Variants in RTN1 observed in about 807,000 individuals in gnomAD.
The protein encoded by RTN1 is reticulon 1.
A neutral mutation model predicts 65.5 loss-of-function variants in RTN1; 25 were observed. The ratio of observed to expected loss-of-function variants is 0.38; its 90% CI spans 0.28 to 0.53. The LOEUF is 0.53. Among genes scored for constraint, RTN1 ranks in the 20% least tolerant of loss-of-function variants. The pLI is 0.79. For synonymous variants in RTN1, 471 were observed against 447.6 expected (o/e 1.05, Z -0.66); for missense variants, 983 against 1,025.4 (o/e 0.96, Z 0.57).
At chr14:59,648,173 C>T (rs1882942053) in intron 3 of RTN1, among the ~76,000 whole-genome samples, 1 of 152,016 alleles carries the variant, frequency 6.6e-6, no homozygotes, top group Non-Finnish European at 1.5e-5. Flanking sequence ...CACACATGCA[C>T]ACAAATTAGA....
chr14:59,861,287 T>A (rs1020535762), intron 1 of RTN1, among the ~76,000 whole-genome samples: 19 of 152,188 alleles, frequency 1.2e-4, no homozygotes, highest in African/African-American at 4.6e-4. Context: ...TAAGGGGGAT[T>A]TTCCCTGCCC....
intron 3 of RTN1, among the ~76,000 whole-genome samples, chr14:59,644,836 TTCCATGGG>T (rs1882856135): frequency 6.6e-6 from 1 of 152,110 alleles, no homozygotes; most frequent in Admixed American, 6.5e-5. Flanking sequence ...CTGCTTCTCT[TTCCATGGG>T]TCCCTGGCCT....
intron 2 of RTN1, among the ~76,000 whole-genome samples, chr14:59,732,446 C>T (rs941862817): frequency 6.6e-6 from 1 of 152,162 alleles, no homozygotes; most frequent in African/African-American, 2.4e-5. Flanking sequence ...GGAAACAACA[C>T]ACGGAGAATG....
chr14:59,619,697 G>A (rs1186809061), intron 3 of RTN1, among the ~76,000 whole-genome samples: 4 of 152,254 alleles, frequency 2.6e-5, no homozygotes, highest in South Asian at 2.1e-4. Context: ...AAAGGAATAA[G>A]TGGGTCCAGA....
chr14:59,813,103 G>A (rs747067434), intron 1 of RTN1, among the ~76,000 whole-genome samples: 9 of 152,126 alleles, frequency 5.9e-5, no homozygotes, highest in Non-Finnish European at 1.3e-4. Context: ...TCATTGTAAA[G>A]GTGGCATTTC....
At chr14:59,844,785 G>A (rs1887376424) in intron 1 of RTN1, among the ~76,000 whole-genome samples, 1 of 152,090 alleles carries the variant, frequency 6.6e-6, no homozygotes, top group Non-Finnish European at 1.5e-5. Context: ...ACGACTTAGG[G>A]AAAACATATA....
At chr14:59,615,133 T>G (rs576490181) in intron 3 of RTN1, among the ~76,000 whole-genome samples, 5 of 152,304 alleles carry the variant, frequency 3.3e-5, no homozygotes, top group African/African-American at 1.2e-4. Context: ...AAAGAAATTA[T>G]TTAGCTTTTT....
At position 59,816,399 on chromosome 14, in the gene RTN1, G is replaced by A. The variant is rs1316232377; in HGVS notation, c.241+53991C>T. Among the ~76,000 whole-genome samples the A allele has an allele frequency of 6.6e-6, 1 of 152,126 alleles. No homozygotes were observed. Among genetic ancestry groups the A allele is most frequent in the Non-Finnish European group, 1.5e-5 (1 of 68,024 alleles). Reference sequence around the variant, plus strand: ...TGACCATATGGTAACAAGGCTAATTGCCTGCCTTCTCCAATCCTCGGAGAG... The same window carrying A: ...TGACCATATGGTAACAAGGCTAATTACCTGCCTTCTCCAATCCTCGGAGAG... On this transcript the variant is annotated intron_variant, in intron 1 of 8. Coordinates refer to ENST00000267484, the MANE Select transcript of RTN1 (RefSeq NM_021136.3). The surrounding 1 kb of genome is among the most constrained non-coding windows in gnomAD (Gnocchi z 4.3).
At chr14:59,687,579 T>C (rs1490189182) in intron 3 of RTN1, among the ~76,000 whole-genome samples, 1 of 151,658 alleles carries the variant, frequency 6.6e-6, no homozygotes, top group Non-Finnish European at 1.5e-5. Context: ...CTCCAGGCAT[T>C]TGGAGCTTCT....
intron 1 of RTN1, among the ~76,000 whole-genome samples, chr14:59,812,240 T>C (rs75432224): frequency 0.012 from 1,855 of 152,198 alleles, 35 homozygotes; most frequent in African/African-American, 0.041. Context: ...ACCATTAAAA[T>C]CACAGGGCAT....
At position 59,867,704 on chromosome 14, in the gene RTN1, C is replaced by G. The variant is rs1161372912; in HGVS notation, c.241+2686G>C. On this transcript the variant is annotated intron_variant, in intron 1 of 8. Coordinates refer to ENST00000267484, the MANE Select transcript of RTN1 (RefSeq NM_021136.3). Reference sequence around the variant, plus strand: ...TGATTGGTGATGTTTTTCAGAAAAACAGTTATTAAAACATCAATATCTGTC... The same window carrying G: ...TGATTGGTGATGTTTTTCAGAAAAAGAGTTATTAAAACATCAATATCTGTC... 3.3e-5 allele frequency among the ~76,000 whole-genome samples: 5 copies of G among 152,066 alleles called. No homozygotes were observed. The East Asian group carries it at 9.6e-4, about 29-fold the overall frequency.
At chr14:59,755,635 C>G (rs777887615) in intron 1 of RTN1, among the ~76,000 whole-genome samples, 1 of 152,176 alleles carries the variant, frequency 6.6e-6, no homozygotes, top group Non-Finnish European at 1.5e-5. Context: ...CATTTGACAA[C>G]AGAGTCCTCC....
chr14:59,788,443 T>C (rs1886290996), intron 1 of RTN1, among the ~76,000 whole-genome samples: 1 of 152,220 alleles, frequency 6.6e-6, no homozygotes, highest in African/African-American at 2.4e-5. Flanking sequence ...CTCATTGTTT[T>C]GGCATTCCTT....
rs1182447188 is a variant in RTN1, at chr14:59,790,494, C to G, written c.242-44013G>C. On this transcript the variant is annotated intron_variant, in intron 1 of 8. Coordinates refer to ENST00000267484, the MANE Select transcript of RTN1 (RefSeq NM_021136.3). This position sits in a 1 kb window ranked among gnomAD's most constrained non-coding sequence, Gnocchi z 4.1. Reference sequence around the variant, plus strand: ...CCTTATTGTCTTTTGGCTTTGATTGCTGCCTTGGAAAATTCTGATAGAAGC... The same window carrying G: ...CCTTATTGTCTTTTGGCTTTGATTGGTGCCTTGGAAAATTCTGATAGAAGC... Among the ~76,000 whole-genome samples the G allele has an allele frequency of 1.3e-5, 2 of 151,980 alleles. No individual in the cohort carries two copies. Among genetic ancestry groups the G allele is most frequent in the Non-Finnish European group, 2.9e-5 (2 of 67,952 alleles).
At chr14:59,783,013 T>A (rs964495449) in intron 1 of RTN1, among the ~76,000 whole-genome samples, 1 of 152,158 alleles carries the variant, frequency 6.6e-6, no homozygotes, top group African/African-American at 2.4e-5. Context: ...TTTGCAGATA[T>A]CATCCCATTT....
intron 3 of RTN1, among the ~76,000 whole-genome samples, chr14:59,673,342 T>C (rs1883552107): frequency 2.6e-5 from 4 of 152,140 alleles, no homozygotes; most frequent in African/African-American, 9.7e-5. Flanking sequence ...CCAGTGGCTT[T>C]GCTTTTTTGT....
rs908082994 is a variant in RTN1 at position 59,661,929 on chromosome 14, C to A, written c.1766-54437G>T. 2.6e-5 allele frequency among the ~76,000 whole-genome samples: 4 copies of A among 151,932 alleles called. 1 individual carries two copies. Among genetic ancestry groups the A allele is most frequent in the Admixed American group, 2.6e-4 (4 of 15,242 alleles). On this transcript the variant is annotated intron_variant, in intron 3 of 8. Transcript: ENST00000267484. ...AATCAGGCAAGAGAAAGAAATAAAG[C>A]GTATTCAATTAGGAAAAGAGGAAGT...
intron 3 of RTN1, among the ~76,000 whole-genome samples, chr14:59,702,811 G>A (rs1247385024): frequency 1.3e-5 from 2 of 152,176 alleles, no homozygotes; most frequent in African/African-American, 2.4e-5. Flanking sequence ...CACCCCATGG[G>A]GGTCCCATTG....
intron 3 of RTN1, among the ~76,000 whole-genome samples, chr14:59,618,061 G>A (rs924892924): frequency 7.0e-6 from 1 of 142,324 alleles, no homozygotes; most frequent in Non-Finnish European, 1.5e-5. Context: ...ACTCCATCTT[G>A]CTTCTAACCT....
Sources: gnomAD v4.1 joint callset for allele counts (sites outside exome capture counted in the v4.1 genomes callset) on GRCh38, gnomAD v4.1.1 for gene constraint, Gnocchi (gnomAD v3.1) non-coding constraint, MANE v1.5 for transcripts, NCBI Gene and HGNC (gene_info 2026-07-23, HGNC 2026-07-21) for gene names.